Variants in GABARAP observed in about 807,000 individuals in gnomAD.
GABARAP encodes GABA type A receptor-associated protein, also known as gamma-aminobutyric acid receptor-associated protein.
A neutral mutation model predicts 16.7 loss-of-function variants in GABARAP; 5 were observed. The observed-to-expected ratio is 0.30, with a 90% CI of 0.16 to 0.63. The LOEUF (loss-of-function observed/expected upper bound fraction) is 0.63, where lower values mean the gene tolerates loss of function less well. Among genes scored for constraint, GABARAP ranks in the 20% least tolerant of loss-of-function variants. The probability of loss-of-function intolerance (pLI) is 0.82; values close to 1 mark genes in which losing one functional copy is unlikely to be tolerated. For synonymous variants in GABARAP, 45 were observed against 52.7 expected (o/e 0.85, Z 0.64); for missense variants, 84 against 146.6 (o/e 0.57, Z 2.21).
intron 3 of GABARAP, 169 bp downstream of exon 3, chr17:7,241,173 C>T: frequency 1.5e-6 from 1 of 683,772 alleles, no homozygotes; most frequent in Non-Finnish European, 2.7e-6. Context: ...GTTCTCTTTC[C>T]TTCTCTCTAC....
At chr17:7,241,774 C>G in intron 1 of GABARAP, 95 bp from the exon 2 acceptor site, 1 of 817,618 alleles carries the variant, frequency 1.2e-6, no homozygotes, top group Non-Finnish European at 2.2e-6. Flanking sequence ...GCACCTAAAT[C>G]TACCCCAGAT....
chr17:7,241,351 C>T lies in GABARAP; in HGVS notation c.279G>A (p.Gln93=). Residue 93 remains glutamine, a synonymous_variant, in exon 3 of 4, where the codon CAG becomes CAA. Coordinates refer to ENST00000302386, the MANE Select transcript of GABARAP (RefSeq NM_007278.2). ...VIPPTSATMG[Q]LYQEHHEEDF... The stretch of plus-strand genomic sequence containing the variant: ...TTCCCAGTCACCATACCTGGTACAG[C>T]TGACCCATTGTGGCACTGGTGGGTG... 6.9e-7 allele frequency: 1 copy of T among 1,452,254 alleles called. No individual in the cohort carries two copies. Among genetic ancestry groups the T allele is most frequent in the Non-Finnish European group, 9.7e-7 (1 of 1,032,784 alleles). 90.0% of individuals were successfully genotyped at this position (1,452,254 alleles called of 1,614,324 possible).
chr17:7,242,390 G>C lies in GABARAP; in HGVS notation c.-60C>G, dbSNP rs971949486. 6.8e-6 allele frequency: 9 copies of C among 1,319,860 alleles called. No individual in the cohort carries two copies. Among genetic ancestry groups the C allele is most frequent in the Non-Finnish European group, 8.7e-6 (8 of 922,144 alleles). The allele number at this position is 1,319,860 out of a possible 1,614,324, so 81.8% of individuals were successfully genotyped here. A position where few individuals can be genotyped will look rare whatever the true frequency, so the allele number is the denominator to read the frequency against. ...AGGGAACCCAGGGGGGCCGGGACGG[G>C]GGGCGGCGACGACGGCGGCGACGCG... is the stretch of plus-strand genomic sequence containing the variant. On this transcript the variant is annotated 5_prime_UTR_variant, in exon 1 of 4. Coordinates refer to ENST00000302386, the MANE Select transcript of GABARAP (RefSeq NM_007278.2).
Position 7,240,810 on chromosome 17 carries a change from C to G in GABARAP, c.*44G>C. 1 of 1,380,120 alleles carries G rather than the reference C, an allele frequency of 7.2e-7. No homozygotes were observed. The highest frequency in any genetic ancestry group is 1.0e-6 in the Non-Finnish European group (1 of 967,988). 85.5% of individuals were successfully genotyped at this position (1,380,120 alleles called of 1,614,324 possible). On this transcript the variant is annotated 3_prime_UTR_variant, in exon 4 of 4. Transcript: ENST00000302386. ...AGGTCAAGAAAGGGGGGCCACCTCT[C>G]TCTTTGTAGAATGAGACCCCCCTCC...
At position 7,240,143 on chromosome 17, in the gene GABARAP, T is replaced by A. The variant is rs1269092069; in HGVS notation, c.*711A>T. 1.3e-5 allele frequency: 2 copies of A among 152,110 alleles called. No individual in the cohort carries two copies. Among genetic ancestry groups the A allele is most frequent in the African/African-American group, 4.8e-5 (2 of 41,414 alleles). 9.4% of individuals were successfully genotyped at this position (152,110 alleles called of 1,614,324 possible). ...ACAGGAACCCACAGTAAAAAAAAAT[T>A]TTTTTTTACATGAGCATTTTTAACA... On this transcript the variant is annotated 3_prime_UTR_variant, in exon 4 of 4. Transcript: ENST00000302386.
rs894438607 is a variant in GABARAP, at chr17:7,240,712, G to C, written c.*142C>G. On this transcript the variant is annotated 3_prime_UTR_variant, in exon 4 of 4. Transcript: ENST00000302386. ...CCATTACCCCTCCTAAGAGAGGCTG[G>C]AGAGAAAGCCACAAACATTAAGAAG... The C allele has an allele frequency of 3.1e-6, 2 of 652,488 alleles. No individual in the cohort carries two copies. Among genetic ancestry groups the C allele is most frequent in the African/African-American group, 1.8e-5 (1 of 55,486 alleles). The allele number at this position is 652,488 out of a possible 1,614,324, so 40.4% of individuals were successfully genotyped here.
chr17:7,241,152 TC>T (rs1316599402), intron 3 of GABARAP, 189 bp downstream of exon 3: 2 of 680,980 alleles, frequency 2.9e-6, no homozygotes, highest in Non-Finnish European at 5.3e-6. Flanking sequence ...AGATAGTTTC[TC>T]TAGCTCACTG....
chr17:7,241,528 G>A lies in GABARAP; in HGVS notation c.170-68C>T, dbSNP rs1033216862. The A allele has an allele frequency of 4.1e-5, 55 of 1,330,572 alleles. No individual in the cohort carries two copies. The African/African-American group carries it at 6.3e-4, about 15-fold the overall frequency. 82.4% of individuals were successfully genotyped at this position (1,330,572 alleles called of 1,614,324 possible). ...ATGCCCTCAAAAGAACAGCTGCTAG[G>A]TGGAGCCTCCTCCCGCAGAGACTGC... On this transcript the variant is annotated intron_variant, in intron 2 of 3. Coordinates refer to ENST00000302386, the MANE Select transcript of GABARAP (RefSeq NM_007278.2).
Position 7,240,754 on chromosome 17 carries a change from G to C in GABARAP, c.*100C>G, listed in dbSNP as rs2071767324. 1.3e-6 allele frequency: 1 copy of C among 783,470 alleles called. No individual in the cohort carries two copies. The highest frequency in any genetic ancestry group is 2.3e-6 in the Non-Finnish European group (1 of 439,208). 48.5% of individuals were successfully genotyped at this position (783,470 alleles called of 1,614,324 possible). On this transcript the variant is annotated 3_prime_UTR_variant, in exon 4 of 4. Transcript: ENST00000302386. The stretch of plus-strand genomic sequence containing the variant: ...ATTAAGAAGTGCCGGTCCTGAATAA[G>C]GGAGGTGGTGTTTGAGCTTGAAGGA...
rs777096591 is a variant in GABARAP at position 7,241,325 on chromosome 17, C to T, written c.288+17G>A. 3 of 1,136,612 alleles carry T rather than the reference C, an allele frequency of 2.6e-6. No individual in the cohort carries two copies. The highest frequency in any genetic ancestry group is 2.7e-6 in the Non-Finnish European group (2 of 744,720). The allele number at this position is 1,136,612 out of a possible 1,614,324, so 70.4% of individuals were successfully genotyped here. A position where few individuals can be genotyped will look rare whatever the true frequency, so the allele number is the denominator to read the frequency against. On this transcript the variant is annotated intron_variant, in intron 3 of 3. Coordinates refer to ENST00000302386, the MANE Select transcript of GABARAP (RefSeq NM_007278.2). The stretch of plus-strand genomic sequence containing the variant: ...AGATTCCTCTCCAAAGCCTCCACCA[C>T]TTCCCAGTCACCATACCTGGTACAG...
At position 7,242,392 on chromosome 17, in the gene GABARAP, G is replaced by A; in HGVS notation, c.-62C>T. ...GGAACCCAGGGGGGCCGGGACGGGGGGCGGCGACGACGGCGGCGACGCGCG... is the reference window on the plus strand; with the variant it reads ...GGAACCCAGGGGGGCCGGGACGGGGAGCGGCGACGACGGCGGCGACGCGCG... On this transcript the variant is annotated 5_prime_UTR_variant, in exon 1 of 4. Coordinates refer to ENST00000302386, the MANE Select transcript of GABARAP (RefSeq NM_007278.2). 1 of 1,296,364 alleles carries A rather than the reference G, an allele frequency of 7.7e-7. No homozygotes were observed. The highest frequency in any genetic ancestry group is 1.1e-6 in the Non-Finnish European group (1 of 900,992). 80.3% of individuals were successfully genotyped at this position (1,296,364 alleles called of 1,614,324 possible).
Position 7,242,391 on chromosome 17 carries a change from G to GGGCGGCGACGAC in GABARAP, c.-73_-62dup, listed in dbSNP as rs1172592492. The GGGCGGCGACGAC allele has an allele frequency of 4.6e-6, 6 of 1,295,492 alleles. 1 individual carries two copies. The highest frequency in any genetic ancestry group is 1.5e-5 in the African/African-American group (1 of 68,192). The allele number at this position is 1,295,492 out of a possible 1,614,324, so 80.2% of individuals were successfully genotyped here. The stretch of plus-strand genomic sequence containing the variant: ...GGGAACCCAGGGGGGCCGGGACGGG[G>GGGCGGCGACGAC]GGCGGCGACGACGGCGGCGACGCGC... On this transcript the variant is annotated 5_prime_UTR_variant, in exon 1 of 4. Transcript: ENST00000302386.
intron 1 of GABARAP, 139 bp downstream of exon 1, chr17:7,242,102 C>T: frequency 1.5e-6 from 1 of 659,716 alleles, no homozygotes; most frequent in Non-Finnish European, 2.7e-6. Context: ...TCCTGGGTCC[C>T]AAGGACAGCA....
rs941002388 is a variant in GABARAP, at chr17:7,240,205, A to C, written c.*649T>G. ...ATGCGTGTTATAAAACTAAAGTTTC[A>C]AGAAATAATCCTCAGTATTCCATTC... On this transcript the variant is annotated 3_prime_UTR_variant, in exon 4 of 4. Transcript: ENST00000302386. 6.6e-6 allele frequency: 1 copy of C among 152,224 alleles called. No homozygotes were observed. Among genetic ancestry groups the C allele is most frequent in the African/African-American group, 2.4e-5 (1 of 41,440 alleles). The allele number at this position is 152,224 out of a possible 1,614,324, so 9.4% of individuals were successfully genotyped here.
chr17:7,242,417 G>A lies in GABARAP; in HGVS notation c.-87C>T. On this transcript the variant is annotated 5_prime_UTR_variant, in exon 1 of 4. Coordinates refer to ENST00000302386, the MANE Select transcript of GABARAP (RefSeq NM_007278.2). Reference sequence around the variant, plus strand: ...GGCGGCGACGACGGCGGCGACGCGCGGGCGGATTCAGCGGAGCGATCCACG... The same window carrying A: ...GGCGGCGACGACGGCGGCGACGCGCAGGCGGATTCAGCGGAGCGATCCACG... The A allele has an allele frequency of 5.1e-6, 5 of 987,302 alleles. No homozygotes were observed. Among genetic ancestry groups the A allele is most frequent in the Admixed American group, 1.9e-5 (1 of 52,008 alleles). 61.2% of individuals were successfully genotyped at this position (987,302 alleles called of 1,614,324 possible). A position where few individuals can be genotyped will look rare whatever the true frequency, so the allele number is the denominator to read the frequency against.
intron 3 of GABARAP, 70 bp from the exon 4 acceptor site, chr17:7,240,989 G>A (rs2071771820): frequency 2.0e-6 from 2 of 984,124 alleles, no homozygotes; most frequent in Admixed American, 1.7e-5. Flanking sequence ...ACCCAGACAC[G>A]TTCTTCTAGA....
chr17:7,240,790 A>G lies in GABARAP; in HGVS notation c.*64T>C, dbSNP rs2071768041. 9.0e-7 allele frequency: 1 copy of G among 1,114,742 alleles called. No individual in the cohort carries two copies. Among genetic ancestry groups the G allele is most frequent in the Non-Finnish European group, 1.4e-6 (1 of 728,974 alleles). 69.1% of individuals were successfully genotyped at this position (1,114,742 alleles called of 1,614,324 possible). A position where few individuals can be genotyped will look rare whatever the true frequency, so the allele number is the denominator to read the frequency against. ...TTTGAGCTTGAAGGAGGAGGAGGTC[A>G]AGAAAGGGGGGCCACCTCTCTCTTT... On this transcript the variant is annotated 3_prime_UTR_variant, in exon 4 of 4. Coordinates refer to ENST00000302386, the MANE Select transcript of GABARAP (RefSeq NM_007278.2).
intron 1 of GABARAP, 57 bp downstream of exon 1, chr17:7,242,184 C>CA: frequency 7.5e-7 from 1 of 1,325,520 alleles, no homozygotes; most frequent in Non-Finnish European, 1.1e-6. Flanking sequence ...GATCCAAGGC[C>CA]AGGCTGTGGC....
At chr17:7,241,051 G>A in intron 3 of GABARAP, 132 bp from the exon 4 acceptor site, 1 of 730,170 alleles carries the variant, frequency 1.4e-6, no homozygotes, top group Non-Finnish European at 2.5e-6. Context: ...TACCACACGA[G>A]CAGTATAATC....
Sources: gnomAD v4.1 joint callset for allele counts on GRCh38, gnomAD v4.1.1 for gene constraint, MANE v1.5 for transcripts, NCBI Gene and HGNC (gene_info 2026-07-23, HGNC 2026-07-21) for gene names.